Variants in PKNOX2 observed in about 807,000 individuals in gnomAD.
PKNOX2 encodes PBX/knotted 1 homeobox 2.
A neutral mutation model predicts 53.1 loss-of-function variants in PKNOX2; 14 were observed. The ratio of observed to expected loss-of-function variants is 0.26; its 90% CI spans 0.17 to 0.41. PKNOX2 has a LOEUF of 0.41. Among genes scored for constraint, PKNOX2 ranks in the 10% least tolerant of loss-of-function variants. The pLI, the probability that PKNOX2 is intolerant of heterozygous loss-of-function variation, is 1.00. For missense variants in PKNOX2, 496 were observed against 602.8 expected (o/e 0.82, Z 1.85); for synonymous variants, 257 against 242.8 (o/e 1.06, Z -0.54).
At chr11:125,278,594 C>T (rs1028218141) in intron 2 of PKNOX2, among the ~76,000 whole-genome samples, 2 of 152,088 alleles carry the variant, frequency 1.3e-5, no homozygotes, top group African/African-American at 2.4e-5. Context: ...TCTTGGCTTG[C>T]GACGGAGATG....
intron 1 of PKNOX2, among the ~76,000 whole-genome samples, chr11:125,171,198 G>A (rs1286388858): frequency 5.9e-5 from 9 of 152,318 alleles, no homozygotes; most frequent in Admixed American, 4.6e-4. Context: ...GGCATCATGG[G>A]CAGGTGTCCT....
At chr11:125,322,592 G>T (rs1337531805) in intron 2 of PKNOX2, among the ~76,000 whole-genome samples, 3 of 152,180 alleles carry the variant, frequency 2.0e-5, no homozygotes, top group Non-Finnish European at 4.4e-5. Flanking sequence ...TGGCTCCTGG[G>T]CAGCATCACG....
At chr11:125,212,404 G>A (rs1939949681) in intron 1 of PKNOX2, among the ~76,000 whole-genome samples, 1 of 150,714 alleles carries the variant, frequency 6.6e-6, no homozygotes, top group Admixed American at 6.6e-5. Context: ...TGTATCTGAT[G>A]TGGCCCCGAC....
intron 1 of PKNOX2, among the ~76,000 whole-genome samples, chr11:125,234,393 T>C (rs1333787724): frequency 1.3e-5 from 2 of 152,220 alleles, no homozygotes; most frequent in Admixed American, 6.5e-5. Context: ...CTGTTTTTAT[T>C]TTTACAAAAT....
chr11:125,165,480 G>A lies in PKNOX2; in HGVS notation c.-201+704G>A, dbSNP rs1954796142. Among the ~76,000 whole-genome samples, 1 of 152,118 alleles carries A rather than the reference G, an allele frequency of 6.6e-6. No homozygotes were observed. Among genetic ancestry groups the A allele is most frequent in the Admixed American group, 6.5e-5 (1 of 15,290 alleles). Reference sequence around the variant, plus strand: ...ACCAGCCTGGAGATGCTTTCCAGCGGCTGGAGGCGGGAGCGGTCCCAGGCT... The same window carrying A: ...ACCAGCCTGGAGATGCTTTCCAGCGACTGGAGGCGGGAGCGGTCCCAGGCT... On this transcript the variant is annotated intron_variant, in intron 1 of 12. Coordinates refer to ENST00000298282, the MANE Select transcript of PKNOX2 (RefSeq NM_001382323.2). The surrounding 1 kb of genome is among the most constrained non-coding windows in gnomAD (Gnocchi z 4.5).
chr11:125,172,656 G>T (rs959845061), intron 1 of PKNOX2, among the ~76,000 whole-genome samples: 8 of 152,148 alleles, frequency 5.3e-5, no homozygotes, highest in Non-Finnish European at 1.0e-4. Flanking sequence ...GCTCTCAGAG[G>T]TCCCCTTCTA....
chr11:125,222,683 C>CTGT (rs1266005943), intron 1 of PKNOX2, among the ~76,000 whole-genome samples: 1 of 106,308 alleles, frequency 9.4e-6, no homozygotes, highest in South Asian at 3.0e-4. Context: ...TATGTGTGTG[C>CTGT]GTATGTGTGT....
chr11:125,361,768 C>A (rs1704048329), intron 4 of PKNOX2, among the ~76,000 whole-genome samples: 1 of 152,302 alleles, frequency 6.6e-6, no homozygotes, highest in Admixed American at 6.5e-5. Context: ...CCATCTGCTC[C>A]CACCTCCCAT....
chr11:125,169,077 T>C (rs1047312818), intron 1 of PKNOX2, among the ~76,000 whole-genome samples: 2 of 152,204 alleles, frequency 1.3e-5, no homozygotes, highest in Non-Finnish European at 2.9e-5. Flanking sequence ...AGGACTGCGA[T>C]GCTGTAAGAT....
intron 1 of PKNOX2, among the ~76,000 whole-genome samples, chr11:125,216,335 T>G (rs1213581329): frequency 6.6e-6 from 1 of 152,162 alleles, no homozygotes; most frequent in Non-Finnish European, 1.5e-5. Flanking sequence ...GGCCCCTCTC[T>G]GGGCCCCGTT....
chr11:125,400,192 G>A (rs144864025), intron 7 of PKNOX2, among the ~76,000 whole-genome samples: 1 of 152,090 alleles, frequency 6.6e-6, no homozygotes, highest in African/African-American at 2.4e-5. Flanking sequence ...TGCAAGCGAG[G>A]CACTGAGAAA....
At chr11:125,275,850 T>C (rs1457357330) in intron 2 of PKNOX2, among the ~76,000 whole-genome samples, 1 of 152,102 alleles carries the variant, frequency 6.6e-6, no homozygotes, top group Non-Finnish European at 1.5e-5. Flanking sequence ...TGTCTGGGTG[T>C]CTGAAAAGAG....
intron 5 of PKNOX2, among the ~76,000 whole-genome samples, chr11:125,376,506 C>A (rs531579057): frequency 6.6e-6 from 1 of 152,270 alleles, no homozygotes; most frequent in South Asian, 2.1e-4. Context: ...TGCAGGCAGC[C>A]CCCAGCAGAG....
chr11:125,278,251 C>CAGGGAATA (rs1418079092), intron 2 of PKNOX2, among the ~76,000 whole-genome samples: 2 of 150,682 alleles, frequency 1.3e-5, no homozygotes, highest in African/African-American at 2.4e-5. Context: ...TAGTGGGAAG[C>CAGGGAATA]AGGGAATACA....
At chr11:125,268,357 A>G (rs961964858) in intron 2 of PKNOX2, among the ~76,000 whole-genome samples, 1 of 152,242 alleles carries the variant, frequency 6.6e-6, no homozygotes, top group Non-Finnish European at 1.5e-5. Context: ...TAGGTCTGTC[A>G]CATGACCTGG....
intron 3 of PKNOX2, among the ~76,000 whole-genome samples, chr11:125,350,505 T>C (rs1253908081): frequency 6.6e-6 from 1 of 152,104 alleles, no homozygotes; most frequent in African/African-American, 2.4e-5. Flanking sequence ...CATTTGGCTC[T>C]GATAGCTCTT....
At chr11:125,272,141 G>A (rs1945836892) in intron 2 of PKNOX2, among the ~76,000 whole-genome samples, 1 of 152,212 alleles carries the variant, frequency 6.6e-6, no homozygotes, top group Non-Finnish European at 1.5e-5. Context: ...GGCTTGGAGG[G>A]AAGTGTTTCA....
At chr11:125,231,888 T>C (rs2135552758) in intron 1 of PKNOX2, among the ~76,000 whole-genome samples, 1 of 152,338 alleles carries the variant, frequency 6.6e-6, no homozygotes, top group East Asian at 1.9e-4. Flanking sequence ...TACAAGTTTG[T>C]CAACACTATC....
At chr11:125,294,240 G>A (rs1947504372) in intron 2 of PKNOX2, among the ~76,000 whole-genome samples, 1 of 152,188 alleles carries the variant, frequency 6.6e-6, no homozygotes, top group Non-Finnish European at 1.5e-5. Context: ...TTGTTATTGT[G>A]TTTTCATTTC....
Sources: allele counts gnomAD v4.1 joint callset (sites outside exome capture counted in the v4.1 genomes callset), GRCh38; gene constraint gnomAD v4.1.1; non-coding constraint Gnocchi (gnomAD v3.1); transcripts MANE v1.5; gene names NCBI Gene and HGNC (gene_info 2026-07-23, HGNC 2026-07-21).